SPTB: variants seen among roughly 807,000 people sequenced by gnomAD.
The protein encoded by SPTB is spectrin beta chain, erythrocytic.
Under a neutral mutation model 256.2 loss-of-function variants are expected in SPTB, and 45 were observed. That is an observed-to-expected ratio of 0.18 (90% CI 0.14 to 0.23). The LOEUF (loss-of-function observed/expected upper bound fraction) is 0.23. Among genes scored for constraint, SPTB ranks in the 10% least tolerant of loss-of-function variants. SPTB has a pLI of 1.00. For synonymous variants in SPTB, 1,231 were observed against 1,243.1 expected (o/e 0.99, Z 0.21); for missense variants, 2,715 against 3,040.4 (o/e 0.89, Z 2.52).
Position 64,771,104 on chromosome 14 carries a change from G to A in SPTB, c.5579C>T (p.Thr1860Ile). 1 of 1,614,014 alleles carries A rather than the reference G, an allele frequency of 6.2e-7. No individual in the cohort carries two copies. The highest frequency in any genetic ancestry group is 8.5e-7 in the Non-Finnish European group (1 of 1,180,044). ...VQVQQFQDVA[T>I]RLQTAYAGEK... ...CCCAGCATATGCTGTCTGCAGACGG[G>A]TGGCCACGTCCTGGAACTGCTGCAC... Residue 1860 changes from threonine (T) to isoleucine (I), a missense_variant, in exon 27 of 36, where the codon ACC becomes ATC. Around this residue, in one of 4 missense-constraint regions of SPTB, gnomAD observed 2,239 missense variants for 2,384.4 expected, o/e 0.94. Transcript: ENST00000644917.
Position 64,845,429 on chromosome 14 carries a change from T to C in SPTB, c.-51-22284A>G, listed in dbSNP as rs1264643265. On this transcript the variant is annotated intron_variant, in intron 1 of 35. Coordinates refer to ENST00000644917, the MANE Select transcript of SPTB (RefSeq NM_001355436.2). The surrounding 1 kb of genome is among the most constrained non-coding windows in gnomAD (Gnocchi z 4.8). ...AAACTATAAGCCTATTTACAAGTTA[T>C]AATCTTAGCCCTTTGATGAAAATAC... Among the ~76,000 whole-genome samples the C allele has an allele frequency of 6.6e-6, 1 of 152,230 alleles. No homozygotes were observed. Among genetic ancestry groups the C allele is most frequent in the East Asian group, 1.9e-4 (1 of 5,204 alleles).
rs1336271772 is a variant in SPTB at position 64,749,738 on chromosome 14, A to AG, written c.6777-43dup. On this transcript the variant is annotated intron_variant, in intron 34 of 35. Coordinates refer to ENST00000644917, the MANE Select transcript of SPTB (RefSeq NM_001355436.2). The surrounding 1 kb of genome is among the most constrained non-coding windows in gnomAD (Gnocchi z 4.7). ...TTTCCTGTCATGGAGACACCTCTGG[A>AG]GGGGGCGCTGGGCAGAGGGCTGGCT... The AG allele has an allele frequency of 6.2e-7, 1 of 1,607,244 alleles. No homozygotes were observed. Among genetic ancestry groups the AG allele is most frequent in the East Asian group, 2.2e-5 (1 of 44,490 alleles).
intron 1 of SPTB, among the ~76,000 whole-genome samples, chr14:64,851,849 A>C (rs1009508635): frequency 6.6e-6 from 1 of 150,402 alleles, no homozygotes; most frequent in African/African-American, 2.4e-5. Context: ...AACAACACGC[A>C]CTAGGGCCTG....
rs529306794 is a variant in SPTB at position 64,803,374 on chromosome 14, C to A, written c.474+233G>T. The stretch of plus-strand genomic sequence containing the variant: ...AACCCAGCTACCAATTAATTTCTAT[C>A]TTCTCCCTGAAAAGACCATACTACT... On this transcript the variant is annotated intron_variant, in intron 4 of 35. Transcript: ENST00000644917. Among the ~76,000 whole-genome samples, 4 of 152,302 alleles carry A rather than the reference C, an allele frequency of 2.6e-5. No homozygotes were observed. In the East Asian group the frequency reaches 7.7e-4, roughly 29 times the overall value.
In SPTB at chr14:64,802,167, G is replaced by T; in HGVS notation, c.566+59C>A. ...CTAATGTCCCTCTGGAGATGGCAGT[G>T]CTTGTGCGGAGCAAGGGGCTGGTGG... On this transcript the variant is annotated intron_variant, in intron 5 of 35. Coordinates refer to ENST00000644917, the MANE Select transcript of SPTB (RefSeq NM_001355436.2). This position sits in a 1 kb window ranked among gnomAD's most constrained non-coding sequence, Gnocchi z 5.1. The T allele has an allele frequency of 6.0e-6, 9 of 1,505,316 alleles. No homozygotes were observed. Among genetic ancestry groups the T allele is most frequent in the Non-Finnish European group, 8.3e-6 (9 of 1,081,796 alleles). The allele number at this position is 1,505,316 out of a possible 1,614,324, so 93.2% of individuals were successfully genotyped here.
In SPTB at chr14:64,774,446, G is replaced by T. The variant is rs1459384589; in HGVS notation, c.4924C>A (p.Gln1642Lys). ...AGGCCCTGGGCCCGGCTGGCCAGCT[G>T]CTTGATGTTCCGGCCGTAGTCCTCC... ...AVEDYGRNIK[Q>K]LASRAQGLLS... The change falls in exon 24 of 36, where the codon CAG becomes AAG. Residue 1642 changes from glutamine (Q) to lysine (K), a missense_variant. By Grantham distance (53) the Gln-to-Lys change is moderately conservative. Coordinates refer to ENST00000644917, the MANE Select transcript of SPTB (RefSeq NM_001355436.2). 1.3e-6 allele frequency: 2 copies of T among 1,571,674 alleles called. No individual in the cohort carries two copies. Among genetic ancestry groups the T allele is most frequent in the African/African-American group, 1.3e-5 (1 of 74,118 alleles).
rs1403329196 is a variant in SPTB, at chr14:64,866,872, T to A, written c.-52+12920A>T. Among the ~76,000 whole-genome samples the A allele has an allele frequency of 6.6e-6, 1 of 152,208 alleles. No homozygotes were observed. Among genetic ancestry groups the A allele is most frequent in the Non-Finnish European group, 1.5e-5 (1 of 68,028 alleles). The stretch of plus-strand genomic sequence containing the variant: ...CCTCTATACAGGAATTTTCAGTCTT[T>A]TTTTTCTGAAGTGCTTTTCTTAACT... On this transcript the variant is annotated intron_variant, in intron 1 of 35. Coordinates refer to ENST00000644917, the MANE Select transcript of SPTB (RefSeq NM_001355436.2). The surrounding 1 kb of genome is among the most constrained non-coding windows in gnomAD (Gnocchi z 4.6).
intron 2 of SPTB, among the ~76,000 whole-genome samples, chr14:64,821,184 T>C (rs531380827): frequency 3.9e-5 from 6 of 152,346 alleles, no homozygotes; most frequent in African/African-American, 1.4e-4. Context: ...CTCTCATTGC[T>C]GTTTAATTTA....
At position 64,825,008 on chromosome 14, in the gene SPTB, C is replaced by T. The variant is rs1307174070; in HGVS notation, c.-51-1863G>A. On this transcript the variant is annotated intron_variant, in intron 1 of 35. Transcript: ENST00000644917. This position sits in a 1 kb window ranked among gnomAD's most constrained non-coding sequence, Gnocchi z 4.8. ...GAATGACTGCGGCTGGGACCAAAGG[C>T]CAAACTGGAGCGCAGTTTATCCCCC... Among the ~76,000 whole-genome samples, 3 of 152,098 alleles carry T rather than the reference C, an allele frequency of 2.0e-5. No homozygotes were observed. The highest frequency in any genetic ancestry group is 4.1e-4 in the South Asian group (2 of 4,828).
chr14:64,770,484 C>A (rs1220825700), intron 27 of SPTB, among the ~76,000 whole-genome samples: 1 of 152,218 alleles, frequency 6.6e-6, no homozygotes, highest in African/African-American at 2.4e-5. Flanking sequence ...CTCTCATGGA[C>A]GATGAGCTTC....
intron 15 of SPTB, 114 bp downstream of exon 15, chr14:64,791,605 A>C: frequency 2.0e-6 from 1 of 488,854 alleles, no homozygotes; most frequent in Non-Finnish European, 3.7e-6. Context: ...AGGAATGTTG[A>C]GGGTATAGAA....
intron 29 of SPTB, chr14:64,768,320 G>C (rs752432119): frequency 4.2e-6 from 1 of 236,674 alleles, no homozygotes; most frequent in Non-Finnish European, 8.4e-6. Context: ...GATTATAGAT[G>C]TTACCCACCA....
In SPTB at chr14:64,790,388, A is replaced by T. The variant is rs2082649421; in HGVS notation, c.2804+1331T>A. ...GTTTAGACCTGCTCTAGTTTCCTCA[A>T]TTATGCAGCAATTGCAATAATCTCT... On this transcript the variant is annotated intron_variant, in intron 15 of 35. Transcript: ENST00000644917. This position sits in a 1 kb window ranked among gnomAD's most constrained non-coding sequence, Gnocchi z 4.8. 6.6e-6 allele frequency among the ~76,000 whole-genome samples: 1 copy of T among 152,178 alleles called. No homozygotes were observed. Among genetic ancestry groups the T allele is most frequent in the Non-Finnish European group, 1.5e-5 (1 of 68,028 alleles).
At chr14:64,762,409 G>T (rs1034421781) in intron 32 of SPTB, among the ~76,000 whole-genome samples, 5 of 152,230 alleles carry the variant, frequency 3.3e-5, no homozygotes, top group Admixed American at 2.6e-4. Context: ...GCTCCTGGCT[G>T]CCTGCCAGGG....
intron 20 of SPTB, among the ~76,000 whole-genome samples, chr14:64,781,027 G>A (rs962244178): frequency 6.6e-6 from 1 of 152,148 alleles, no homozygotes. Flanking sequence ...GCCATATGCA[G>A]AACATTGAAG....
intron 32 of SPTB, chr14:64,766,291 C>T: frequency 1.4e-6 from 1 of 726,734 alleles, no homozygotes; most frequent in Non-Finnish European, 1.8e-6. Context: ...TGTGTGTGGG[C>T]ATGTGCCTGT....
In SPTB at chr14:64,777,002, C is replaced by T. The variant is rs978095583; in HGVS notation, c.4564-1599G>A. On this transcript the variant is annotated intron_variant, in intron 22 of 35. Coordinates refer to ENST00000644917, the MANE Select transcript of SPTB (RefSeq NM_001355436.2). The surrounding 1 kb of genome is among the most constrained non-coding windows in gnomAD (Gnocchi z 4.5). ...ATGAATAAACAAAGGCTGGGCCTTC[C>T]TCCCTGGGGGCTACGAGGAAAAGAC... Among the ~76,000 whole-genome samples the T allele has an allele frequency of 2.0e-5, 3 of 152,198 alleles. No homozygotes were observed. Among genetic ancestry groups the T allele is most frequent in the African/African-American group, 7.2e-5 (3 of 41,450 alleles).
intron 1 of SPTB, among the ~76,000 whole-genome samples, chr14:64,868,260 GA>G (rs2139817350): frequency 6.6e-6 from 1 of 152,258 alleles, no homozygotes. Flanking sequence ...TTAAAAGAAA[GA>G]AACTAATTTG....
Position 64,822,935 on chromosome 14 carries a change from C to T in SPTB, c.148+12G>A, listed in dbSNP as rs2083319295. 1 of 1,612,968 alleles carries T rather than the reference C, an allele frequency of 6.2e-7. No individual in the cohort carries two copies. The highest frequency in any genetic ancestry group is 8.5e-7 in the Non-Finnish European group (1 of 1,180,032). ...GAGAATGCCCTCCAACCCTTGTGGCCCCAAACAGTACCTGCCAAGGCCTTT... is the reference window on the plus strand; with the variant it reads ...GAGAATGCCCTCCAACCCTTGTGGCTCCAAACAGTACCTGCCAAGGCCTTT... On this transcript the variant is annotated intron_variant, in intron 2 of 35. Transcript: ENST00000644917.
Sources: allele counts gnomAD v4.1 joint callset (sites outside exome capture counted in the v4.1 genomes callset), GRCh38; gene constraint gnomAD v4.1.1; regional missense constraint gnomAD v4.1.1; non-coding constraint Gnocchi (gnomAD v3.1); transcripts MANE v1.5; gene names NCBI Gene and HGNC (gene_info 2026-07-23, HGNC 2026-07-21).